Variants in STARD13 observed in about 807,000 individuals in gnomAD.
STARD13 encodes the protein StAR related lipid transfer domain containing 13, also known as stAR-related lipid transfer protein 13.
Under a neutral mutation model 106.4 loss-of-function variants are expected in STARD13, and 62 were observed. The observed-to-expected ratio is 0.58, with a 90% CI of 0.48 to 0.72. The LOEUF (loss-of-function observed/expected upper bound fraction) is 0.72. STARD13 is among the 30% of genes least tolerant of loss of function. STARD13 has a pLI of 0.00. For missense variants in STARD13, 1,387 were observed against 1,424.0 expected (o/e 0.97, Z 0.42); for synonymous variants, 565 against 553.0 (o/e 1.02, Z -0.31).
the STARD13 span, among the ~76,000 whole-genome samples, chr13:33,525,728 C>A: frequency 1.3e-5 from 2 of 151,978 alleles, no homozygotes; most frequent in African/African-American, 2.4e-5. Flanking sequence ...ATCAGATCTG[C>A]GGAAGCAGGA....
At chr13:33,296,734 T>A (rs1892510709) in intron 1 of STARD13, among the ~76,000 whole-genome samples, 1 of 152,174 alleles carries the variant, frequency 6.6e-6, no homozygotes, top group Admixed American at 6.5e-5. Context: ...TTCTCCTGCC[T>A]CAGCCTCCCA....
At chr13:33,429,938 G>GGGA in the STARD13 span, among the ~76,000 whole-genome samples, 1 of 148,594 alleles carries the variant, frequency 6.7e-6, no homozygotes, top group African/African-American at 2.6e-5. Flanking sequence ...GGGGGGGGGG[G>GGGA]ACGGAGTCTC....
chr13:33,321,399 A>T (rs1422627338), intron 1 of STARD13, among the ~76,000 whole-genome samples: 1 of 152,040 alleles, frequency 6.6e-6, no homozygotes, highest in Non-Finnish European at 1.5e-5. Context: ...CCAGCTACTC[A>T]GAAGGCTGAG....
chr13:33,605,025 G>A, the STARD13 span, among the ~76,000 whole-genome samples: 1 of 151,924 alleles, frequency 6.6e-6, no homozygotes, highest in East Asian at 1.9e-4. Flanking sequence ...GATTGCTTGA[G>A]TCCAGGATTT....
chr13:33,436,195 G>GA, the STARD13 span, among the ~76,000 whole-genome samples: 1 of 152,074 alleles, frequency 6.6e-6, no homozygotes, highest in Non-Finnish European at 1.5e-5. Context: ...ATTACTCAGA[G>GA]AAAAAAATAT....
chr13:33,115,037 C>T (rs1875166473), intron 8 of STARD13, among the ~76,000 whole-genome samples: 1 of 152,034 alleles, frequency 6.6e-6, no homozygotes, highest in Non-Finnish European at 1.5e-5. Context: ...ATTCAGATTC[C>T]TGTGGATTCT....
chr13:33,676,242 C>G, the STARD13 span, among the ~76,000 whole-genome samples: 1 of 152,184 alleles, frequency 6.6e-6, no homozygotes, highest in Non-Finnish European at 1.5e-5. Flanking sequence ...AAGCGACATT[C>G]AGGATAAAGT....
intron 4 of STARD13, among the ~76,000 whole-genome samples, chr13:33,132,182 T>A (rs1434297697): frequency 6.6e-6 from 1 of 152,244 alleles, no homozygotes; most frequent in Admixed American, 6.5e-5. Context: ...CAGAAAAGAA[T>A]TCTATGGCTT....
chr13:33,578,677 T>C, the STARD13 span, among the ~76,000 whole-genome samples: 5 of 152,118 alleles, frequency 3.3e-5, no homozygotes, highest in African/African-American at 1.2e-4. Context: ...AAAAAGCTTC[T>C]GCACAGCAAA....
chr13:33,607,484 G>A, the STARD13 span, among the ~76,000 whole-genome samples: 1 of 151,922 alleles, frequency 6.6e-6, no homozygotes, highest in Non-Finnish European at 1.5e-5. Context: ...TTTTAGTAGA[G>A]ATGAGGTTTC....
At chr13:33,437,101 A>G in the STARD13 span, among the ~76,000 whole-genome samples, 90 of 152,320 alleles carry the variant, frequency 5.9e-4, 1 homozygote, top group South Asian at 0.017. Context: ...AATGAAATCC[A>G]CAAGCAGACA....
At chr13:33,345,463 T>C (rs1345321654), downstream of STARD13, among the ~76,000 whole-genome samples, 1 of 152,184 alleles carries the variant, frequency 6.6e-6, no homozygotes, top group Non-Finnish European at 1.5e-5. Flanking sequence ...TAGGCACAGA[T>C]GGCTTTTGAC....
chr13:33,153,496 G>A (rs1333205935), intron 3 of STARD13, among the ~76,000 whole-genome samples: 1 of 152,168 alleles, frequency 6.6e-6, no homozygotes, highest in Non-Finnish European at 1.5e-5. Context: ...ATGTTAAGCA[G>A]CCTGTGTGCC....
the STARD13 span, among the ~76,000 whole-genome samples, chr13:33,610,264 A>C: frequency 3.3e-5 from 5 of 152,160 alleles, no homozygotes; most frequent in African/African-American, 4.8e-5. Flanking sequence ...TGGGGAGGGG[A>C]GGGATGAAGG....
At chr13:33,122,836 C>A (rs1453795187) in intron 7 of STARD13, among the ~76,000 whole-genome samples, 1 of 152,002 alleles carries the variant, frequency 6.6e-6, no homozygotes, top group African/African-American at 2.4e-5. Flanking sequence ...GGGTGGATCA[C>A]CTGAGGTCAG....
At chr13:33,338,082 G>C (rs1398693812) in intron 1 of STARD13, among the ~76,000 whole-genome samples, 1 of 152,192 alleles carries the variant, frequency 6.6e-6, no homozygotes, top group African/African-American at 2.4e-5. Context: ...GGTAGATGTA[G>C]TTCCAATAGC....
chr13:33,315,103 T>G (rs1893280093), intron 1 of STARD13, among the ~76,000 whole-genome samples: 1 of 152,178 alleles, frequency 6.6e-6, no homozygotes, highest in South Asian at 2.1e-4. Context: ...GCAAAATACT[T>G]TGTCAAGGAA....
chr13:33,432,856 G>A, the STARD13 span, among the ~76,000 whole-genome samples: 16 of 152,138 alleles, frequency 1.1e-4, no homozygotes, highest in Non-Finnish European at 2.2e-4. Context: ...AAATGATTTA[G>A]AAGATGTGGG....
At chr13:33,181,220 T>G (rs1885196001) in intron 1 of STARD13, among the ~76,000 whole-genome samples, 1 of 152,078 alleles carries the variant, frequency 6.6e-6, no homozygotes, top group African/African-American at 2.4e-5. Context: ...TTTCTGACTT[T>G]GGAATTTGGA....
Sources: gnomAD v4.1 joint callset for allele counts (sites outside exome capture counted in the v4.1 genomes callset) on GRCh38, gnomAD v4.1.1 for gene constraint, MANE v1.5 for transcripts, NCBI Gene and HGNC (gene_info 2026-07-23, HGNC 2026-07-21) for gene names.